The following RBCK1 variants were observed in gnomAD, a reference collection of about 807,000 sequenced individuals.
RBCK1 encodes the protein RANBP2-type and C3HC4-type zinc finger containing 1.
A neutral mutation model predicts 71.1 loss-of-function variants in RBCK1; 44 were observed. That is an observed-to-expected ratio of 0.62 (90% CI 0.49 to 0.80). The LOEUF is 0.80. RBCK1 is among the 30% of genes least tolerant of loss of function. RBCK1 has a pLI of 0.00. For missense variants in RBCK1, 569 were observed against 685.0 expected (o/e 0.83, Z 1.89); for synonymous variants, 306 against 279.7 (o/e 1.09, Z -0.94).
chr20:421,124 C>A, intron 7 of RBCK1, 93 bp downstream of exon 7: 1 of 1,392,678 alleles, frequency 7.2e-7, no homozygotes, highest in Non-Finnish European at 9.5e-7. Context: ...TGCTCTGATA[C>A]CTCATTGGAC....
Position 408,764 on chromosome 20 carries a change from G to C in RBCK1, c.7G>C (p.Glu3Gln). MD[E>Q]KTKKAEEMAL... Reference sequence around the variant, plus strand: ...ATGGGCACAGCCACGCCAGATGGACGAGAAGACCAAGAAAGGTGGGCACAG... The same window carrying C: ...ATGGGCACAGCCACGCCAGATGGACCAGAAGACCAAGAAAGGTGGGCACAG... The change falls in exon 1 of 12, where the codon GAG (glutamate) becomes CAG (glutamine). Residue 3 changes from glutamate (E) to glutamine (Q), a missense_variant. Transcript: ENST00000356286. The C allele has an allele frequency of 1.2e-6, 2 of 1,612,470 alleles. No homozygotes were observed. Among genetic ancestry groups the C allele is most frequent in the South Asian group, 2.2e-5 (2 of 90,758 alleles).
At chr20:419,774 G>C (rs1270601563) in intron 6 of RBCK1, 43 bp downstream of exon 6, 1 of 1,518,346 alleles carries the variant, frequency 6.6e-7, no homozygotes, top group Admixed American at 2.0e-5. Context: ...AGACCGCACG[G>C]GGGAGGTGTA....
intron 8 of RBCK1, among the ~76,000 whole-genome samples, chr20:425,945 T>A (rs2016691072): frequency 6.6e-6 from 1 of 152,178 alleles, no homozygotes; most frequent in African/African-American, 2.4e-5. Flanking sequence ...ATATATTATT[T>A]TCTTGGGATA....
Position 408,399 on chromosome 20 carries a change from G to T in RBCK1, c.-359G>T, listed in dbSNP as rs1030901270. ...CCTTGAAACCCGGGACGCCAGGGGC[G>T]CTCCCGCAAGTGGGGGTCCTCCGGG... On this transcript the variant is annotated 5_prime_UTR_variant, in exon 1 of 12. Coordinates refer to ENST00000356286, the MANE Select transcript of RBCK1 (RefSeq NM_031229.4). The T allele has an allele frequency of 1.4e-5, 6 of 422,236 alleles. No individual in the cohort carries two copies. The highest frequency in any genetic ancestry group is 2.6e-5 in the Non-Finnish European group (6 of 234,822). The allele number at this position is 422,236 out of a possible 1,614,324, so 26.2% of individuals were successfully genotyped here.
chr20:417,215 C>G lies in RBCK1; in HGVS notation c.168-311C>G, dbSNP rs750479524. 1.7e-6 allele frequency: 1 copy of G among 577,252 alleles called. No homozygotes were observed. The highest frequency in any genetic ancestry group is 1.8e-5 in the African/African-American group (1 of 54,150). The allele number at this position is 577,252 out of a possible 1,614,324, so 35.8% of individuals were successfully genotyped here. A position where few individuals can be genotyped will look rare whatever the true frequency, so the allele number is the denominator to read the frequency against. On this transcript the variant is annotated intron_variant, in intron 2 of 11. Coordinates refer to ENST00000356286, the MANE Select transcript of RBCK1 (RefSeq NM_031229.4). This position sits in a 1 kb window ranked among gnomAD's most constrained non-coding sequence, Gnocchi z 4.7. ...TTAACAACAACTTCTGGTGGTTTCA[C>G]TAAGGAGCAGGGGAGAGAAGACAGA...
Position 426,473 on chromosome 20 carries a change from C to T in RBCK1, c.1030-840C>T, listed in dbSNP as rs552205283. On this transcript the variant is annotated intron_variant, in intron 8 of 11. Transcript: ENST00000356286. ...GTAATGTTTGTTTGTCTGTGCCTGG[C>T]TTATTTCATTTAACATAATGACCTC... Among the ~76,000 whole-genome samples, 4 of 152,278 alleles carry T rather than the reference C, an allele frequency of 2.6e-5. No individual in the cohort carries two copies. In the East Asian group the frequency reaches 7.7e-4, roughly 29 times the overall value.
At chr20:408,911 C>A in intron 1 of RBCK1, 132 bp downstream of exon 1, 1 of 1,099,678 alleles carries the variant, frequency 9.1e-7, no homozygotes, top group Non-Finnish European at 1.3e-6. Context: ...TCCTCCCCAT[C>A]AGTTTCCTCC....
Position 417,099 on chromosome 20 carries a change from C to A in RBCK1, c.168-427C>A. The A allele has an allele frequency of 2.4e-6, 1 of 422,938 alleles. No individual in the cohort carries two copies. The highest frequency in any genetic ancestry group is 1.7e-5 in the South Asian group (1 of 57,920). 26.2% of individuals were successfully genotyped at this position (422,938 alleles called of 1,614,324 possible). On this transcript the variant is annotated intron_variant, in intron 2 of 11. Coordinates refer to ENST00000356286, the MANE Select transcript of RBCK1 (RefSeq NM_031229.4). The surrounding 1 kb of genome is among the most constrained non-coding windows in gnomAD (Gnocchi z 4.7). ...GTGCCTCACATTTTTATCTGTAAAA[C>A]AGGGATACAGCAGTACCTGTCTGAT...
rs138415318 is a variant in RBCK1, at chr20:428,044, T to C, written c.1210-447T>C. ...CCCCAGGCCTGTCCCCGCCGCTTCA[T>C]CTCAAAAGTTGAAGGTGAGGAGCCG... is the stretch of plus-strand genomic sequence containing the variant. On this transcript the variant is annotated intron_variant, in intron 9 of 11. Coordinates refer to ENST00000356286, the MANE Select transcript of RBCK1 (RefSeq NM_031229.4). The surrounding 1 kb of genome is among the most constrained non-coding windows in gnomAD (Gnocchi z 5.7). 4.2e-3 allele frequency among the ~76,000 whole-genome samples: 646 copies of C among 152,248 alleles called. 3 individuals are homozygous for C. The highest frequency in any genetic ancestry group is 0.015 in the African/African-American group (604 of 41,530).
In RBCK1 at chr20:430,228, C is replaced by T; in HGVS notation, c.1453-122C>T. 1 of 826,410 alleles carries T rather than the reference C, an allele frequency of 1.2e-6. No individual in the cohort carries two copies. Among genetic ancestry groups the T allele is most frequent in the South Asian group, 1.6e-5 (1 of 63,446 alleles). 51.2% of individuals were successfully genotyped at this position (826,410 alleles called of 1,614,324 possible). The stretch of plus-strand genomic sequence containing the variant: ...GTGACTCTCCATCAGGTAGCTGAGG[C>T]TGACCAGGCCATTCTTGCAGGAGGA... On this transcript the variant is annotated intron_variant, in intron 11 of 11. Transcript: ENST00000356286. The surrounding 1 kb of genome is among the most constrained non-coding windows in gnomAD (Gnocchi z 5.6).
rs1031396409 is a variant in RBCK1, at chr20:430,289, C to A, written c.1453-61C>A. 9 of 1,458,882 alleles carry A rather than the reference C, an allele frequency of 6.2e-6. No homozygotes were observed. The highest frequency in any genetic ancestry group is 9.6e-7 in the Non-Finnish European group (1 of 1,043,342). 90.4% of individuals were successfully genotyped at this position (1,458,882 alleles called of 1,614,324 possible). ...CAAAGGCCCGGGGTGGGAGAGCGCTCGGCTGTGGGGGCAGTCTCTGCACTG... is the reference window on the plus strand; with the variant it reads ...CAAAGGCCCGGGGTGGGAGAGCGCTAGGCTGTGGGGGCAGTCTCTGCACTG... On this transcript the variant is annotated intron_variant, in intron 11 of 11. Coordinates refer to ENST00000356286, the MANE Select transcript of RBCK1 (RefSeq NM_031229.4). The surrounding 1 kb of genome is among the most constrained non-coding windows in gnomAD (Gnocchi z 5.6).
intron 11 of RBCK1, among the ~76,000 whole-genome samples, chr20:429,861 C>T (rs1412712183): frequency 6.6e-6 from 1 of 152,222 alleles, no homozygotes; most frequent in African/African-American, 2.4e-5. Flanking sequence ...TGCCACTCAC[C>T]TCTGTCAGCC....
At chr20:414,157 C>T (rs573641082) in intron 2 of RBCK1, among the ~76,000 whole-genome samples, 3 of 151,850 alleles carry the variant, frequency 2.0e-5, no homozygotes, top group East Asian at 1.9e-4. Context: ...CTGGGCATGG[C>T]GGCTCAGCAC....
In RBCK1 at chr20:419,447, T is replaced by C; in HGVS notation, c.561T>C (p.Asp187=). 1 of 1,608,410 alleles carries C rather than the reference T, an allele frequency of 6.2e-7. No homozygotes were observed. The highest frequency in any genetic ancestry group is 8.5e-7 in the Non-Finnish European group (1 of 1,177,670). ...AGGAACCCGGACGGGGGCAGCCAGA[T>C]GCAGTGCCTGAGCCCCCACCGGTAA... ...VPQEPGRGQP[D]AVPEPPPVGW... Residue 187 remains aspartate (D), a synonymous_variant, in exon 5 of 12, where the codon GAT becomes GAC. Coordinates refer to ENST00000356286, the MANE Select transcript of RBCK1 (RefSeq NM_031229.4).
chr20:416,648 T>TG (rs2016008394), intron 2 of RBCK1, among the ~76,000 whole-genome samples: 2 of 152,234 alleles, frequency 1.3e-5, no homozygotes, highest in Admixed American at 1.3e-4. Context: ...CCAAACATGT[T>TG]GGAGGATCCT....
At position 428,983 on chromosome 20, in the gene RBCK1, C is replaced by T. The variant is rs1162660972; in HGVS notation, c.1341C>T (p.Cys447=). 6 of 1,610,942 alleles carry T rather than the reference C, an allele frequency of 3.7e-6. No individual in the cohort carries two copies. Among genetic ancestry groups the T allele is most frequent in the East Asian group, 2.2e-5 (1 of 44,876 alleles). ...VMLQQGEAMR[C]PQCQIVVQKK... ...TGCAGCAGGGCGAGGCCATGCGCTGCCCCCAGTGCCAGATCGTGGTACAGA... is the reference window on the plus strand; with the variant it reads ...TGCAGCAGGGCGAGGCCATGCGCTGTCCCCAGTGCCAGATCGTGGTACAGA... Residue 447 remains cysteine (C), a synonymous_variant, in exon 11 of 12, where the codon TGC becomes TGT. Coordinates refer to ENST00000356286, the MANE Select transcript of RBCK1 (RefSeq NM_031229.4). The surrounding 1 kb of genome is among the most constrained non-coding windows in gnomAD (Gnocchi z 5.7).
chr20:419,758 AC>A, intron 6 of RBCK1, 27 bp downstream of exon 6: 7 of 1,534,118 alleles, frequency 4.6e-6, no homozygotes, highest in Non-Finnish European at 6.1e-6. Flanking sequence ...CTGGACAGAC[AC>A]CTGCAGACCG....
In RBCK1 at chr20:427,333, C is replaced by A; in HGVS notation, c.1050C>A (p.Tyr350Ter). Residue 350 changes from tyrosine to a stop codon, truncating the protein, a stop_gained, in exon 9 of 12, where the codon TAC (tyrosine) becomes TAA (stop). Coordinates refer to ENST00000356286, the MANE Select transcript of RBCK1 (RefSeq NM_031229.4). LOFTEE classifies it high-confidence loss of function. Reference protein sequence around the residue: ...EIKALLTPEDYQRFLDLGISI... With the variant: ...EIKALLTPED ...GGCAGCTCCTGACCCCTGAGGATTA[C>A]CAGCGATTTCTAGACCTGGGCATCT... is the stretch of plus-strand genomic sequence containing the variant. 6.2e-7 allele frequency: 1 copy of A among 1,614,114 alleles called. No individual in the cohort carries two copies. The highest frequency in any genetic ancestry group is 8.5e-7 in the Non-Finnish European group (1 of 1,180,006).
chr20:420,838 G>A (rs1371977910), intron 6 of RBCK1, 33 bp from the exon 7 acceptor site: 2 of 1,530,986 alleles, frequency 1.3e-6, no homozygotes, highest in Non-Finnish European at 1.8e-6. Flanking sequence ...CCGAGGCCCT[G>A]ACCCGCCCCG....
Sources: allele counts gnomAD v4.1 joint callset (sites outside exome capture counted in the v4.1 genomes callset), GRCh38; gene constraint gnomAD v4.1.1; non-coding constraint Gnocchi (gnomAD v3.1); transcripts MANE v1.5; gene names NCBI Gene and HGNC (gene_info 2026-07-23, HGNC 2026-07-21).